CSMD1: variants seen among roughly 807,000 people sequenced by gnomAD.
CSMD1 encodes the protein CUB and sushi domain-containing protein 1.
In CSMD1, 213 loss-of-function variants were observed where a neutral mutation model predicts 417.5. That is an observed-to-expected ratio of 0.51 (90% CI 0.46 to 0.57). The LOEUF is 0.57. CSMD1 is among the 20% of genes least tolerant of loss of function. CSMD1 has a pLI of 0.00. For missense variants in CSMD1, 6,923 were observed against 4,529.7 expected (o/e 1.53, Z -15.17); for synonymous variants, 2,862 against 1,736.8 (o/e 1.65, Z -16.11).
chr8:3,296,539 C>T (rs763052552), intron 25 of CSMD1, among the ~76,000 whole-genome samples: 2 of 152,080 alleles, frequency 1.3e-5, no homozygotes, highest in Non-Finnish European at 2.9e-5. Flanking sequence ...AAAGAACTGG[C>T]CGTGCTTGCT....
intron 7 of CSMD1, among the ~76,000 whole-genome samples, chr8:3,683,152 A>C (rs1799754696): frequency 6.6e-6 from 1 of 152,144 alleles, no homozygotes; most frequent in Admixed American, 6.6e-5. Context: ...CATATGTAAC[A>C]AACCTGCACG....
At chr8:2,963,061 T>C (rs922994) in intron 60 of CSMD1, among the ~76,000 whole-genome samples, 161 bp downstream of exon 60, 30,635 of 152,152 alleles carry the variant, frequency 0.2, 3,319 homozygotes, top group African/African-American at 0.27. Context: ...AAGGAGACTC[T>C]GCCCTTAGGC....
chr8:3,331,451 G>T (rs1806892073), intron 23 of CSMD1, among the ~76,000 whole-genome samples: 1 of 152,154 alleles, frequency 6.6e-6, no homozygotes, highest in African/African-American at 2.4e-5. Context: ...ATGTATCAGT[G>T]GGAAGCTCTT....
intron 10 of CSMD1, among the ~76,000 whole-genome samples, chr8:3,533,838 A>G (rs1046389611): frequency 3.3e-5 from 5 of 152,196 alleles, no homozygotes; most frequent in Non-Finnish European, 7.3e-5. Flanking sequence ...AAGTAGCTGT[A>G]CAGTTAGAGA....
chr8:4,114,667 G>C (rs1049844659), intron 3 of CSMD1, among the ~76,000 whole-genome samples: 1 of 152,172 alleles, frequency 6.6e-6, no homozygotes, highest in African/African-American at 2.4e-5. Flanking sequence ...ATGCCATTAA[G>C]AAAAATTGTG....
At chr8:4,916,548 C>T (rs1008945974) in intron 1 of CSMD1, among the ~76,000 whole-genome samples, 2 of 152,162 alleles carry the variant, frequency 1.3e-5, no homozygotes, top group East Asian at 1.9e-4. Flanking sequence ...TGAGAAAATG[C>T]ACGTGGCACT....
chr8:4,962,488 G>A (rs924075589), intron 1 of CSMD1, among the ~76,000 whole-genome samples: 13 of 152,112 alleles, frequency 8.5e-5, no homozygotes, highest in Non-Finnish European at 1.6e-4. Context: ...TGAGATTCCA[G>A]GCATGTCCCA....
intron 3 of CSMD1, among the ~76,000 whole-genome samples, chr8:4,199,427 A>C (rs1348700165): frequency 6.6e-6 from 1 of 152,186 alleles, no homozygotes; most frequent in Admixed American, 6.5e-5. Flanking sequence ...TTAGCTGTCA[A>C]GTCATGTAAG....
At chr8:4,426,203 A>T (rs1797543959) in intron 2 of CSMD1, among the ~76,000 whole-genome samples, 1 of 151,990 alleles carries the variant, frequency 6.6e-6, no homozygotes, top group Admixed American at 6.6e-5. Flanking sequence ...GTGAATTAAG[A>T]AGCCTTTTAT....
intron 12 of CSMD1, among the ~76,000 whole-genome samples, chr8:3,435,030 A>T (rs557667108): frequency 3.6e-4 from 54 of 150,878 alleles, no homozygotes; most frequent in Middle Eastern, 3.4e-3. Context: ...CAGGACTGGG[A>T]GCTGGTAGCA....
At chr8:4,103,610 A>C (rs183285873) in intron 3 of CSMD1, among the ~76,000 whole-genome samples, 1 of 152,150 alleles carries the variant, frequency 6.6e-6, no homozygotes, top group Non-Finnish European at 1.5e-5. Flanking sequence ...ATTTTCATGT[A>C]AACACTTGTG....
At chr8:3,679,751 C>G (rs1392565713) in intron 7 of CSMD1, among the ~76,000 whole-genome samples, 6 of 152,162 alleles carry the variant, frequency 3.9e-5, no homozygotes, top group African/African-American at 1.4e-4. Flanking sequence ...AGCATCACAC[C>G]ACACTTATTT....
chr8:4,834,441 G>A (rs1308465661), intron 1 of CSMD1, among the ~76,000 whole-genome samples: 2 of 152,204 alleles, frequency 1.3e-5, no homozygotes, highest in African/African-American at 2.4e-5. Context: ...AGAGGATTGA[G>A]TGGGCACATG....
intron 3 of CSMD1, among the ~76,000 whole-genome samples, chr8:4,204,893 T>A (rs1329924238): frequency 6.6e-6 from 1 of 152,136 alleles, no homozygotes; most frequent in East Asian, 1.9e-4. Context: ...ACTCCTGTCC[T>A]CAAAGATCCT....
intron 5 of CSMD1, among the ~76,000 whole-genome samples, chr8:3,853,357 A>G (rs1418783222): frequency 6.6e-6 from 1 of 152,162 alleles, no homozygotes; most frequent in African/African-American, 2.4e-5. Context: ...AATTTACTTT[A>G]AAAAGGTATT....
At chr8:4,057,669 G>T (rs7461375) in intron 3 of CSMD1, among the ~76,000 whole-genome samples, 1 of 150,974 alleles carries the variant, frequency 6.6e-6, no homozygotes, top group Non-Finnish European at 1.5e-5. Context: ...AGTTTTAGGT[G>T]TAACGTTTAA....
intron 7 of CSMD1, among the ~76,000 whole-genome samples, chr8:3,662,917 G>C (rs963292143): frequency 2.6e-5 from 4 of 152,044 alleles, no homozygotes; most frequent in African/African-American, 9.7e-5. Context: ...ATGATGGGTT[G>C]ATAGGTGCAG....
intron 3 of CSMD1, among the ~76,000 whole-genome samples, chr8:4,249,385 C>T (rs890874334): frequency 6.6e-6 from 1 of 152,180 alleles, no homozygotes; most frequent in African/African-American, 2.4e-5. Flanking sequence ...GCATATTCCA[C>T]AGAAAACAAC....
At chr8:3,823,914 A>T in intron 5 of CSMD1, among the ~76,000 whole-genome samples, 1 of 152,188 alleles carries the variant, frequency 6.6e-6, no homozygotes, top group East Asian at 1.9e-4. Flanking sequence ...TTCATTTTTA[A>T]TTCTACCTTT....
Sources: allele counts gnomAD v4.1 joint callset (sites outside exome capture counted in the v4.1 genomes callset), GRCh38; gene constraint gnomAD v4.1.1; transcripts MANE v1.5; gene names NCBI Gene and HGNC (gene_info 2026-07-23, HGNC 2026-07-21).